The following SGCZ variants were observed in gnomAD, a reference collection of about 807,000 sequenced individuals.
The protein encoded by SGCZ is sarcoglycan zeta, also known as zeta-sarcoglycan.
SGCZ carries 40 observed loss-of-function variants against 41.3 expected under a neutral mutation model. That is an observed-to-expected ratio of 0.97 (90% confidence interval 0.75 to 1.26). The LOEUF (loss-of-function observed/expected upper bound fraction) is 1.26, where lower values mean the gene tolerates loss of function less well. SGCZ is among the 50% of genes most tolerant of loss of function. The probability of loss-of-function intolerance (pLI) is 0.00; values close to 1 mark genes in which losing one functional copy is unlikely to be tolerated. For missense variants in SGCZ, 552 were observed against 369.8 expected, an observed-to-expected ratio of 1.49 and a Z score of -4.04; for synonymous variants, 206 against 137.5, an observed-to-expected ratio of 1.50 and a Z score of -3.49.
chr8:14,534,804 G>C (rs1034327307), intron 2 of SGCZ, among the ~76,000 whole-genome samples: 1 of 151,866 alleles, frequency 6.6e-6, no homozygotes, highest in African/African-American at 2.4e-5. Flanking sequence ...AAATATTTTA[G>C]GCTGATACTA....
At chr8:15,068,781 C>G (rs951558281) in intron 1 of SGCZ, among the ~76,000 whole-genome samples, 1 of 152,148 alleles carries the variant, frequency 6.6e-6, no homozygotes. Context: ...AATAAATTCT[C>G]TCATTTAAAA....
At chr8:15,004,120 C>T (rs1802518679) in intron 1 of SGCZ, among the ~76,000 whole-genome samples, 1 of 152,016 alleles carries the variant, frequency 6.6e-6, no homozygotes. Context: ...CTCCGTAAGA[C>T]CCCCAGTAAT....
intron 1 of SGCZ, among the ~76,000 whole-genome samples, chr8:14,775,692 A>G (rs1363624239): frequency 2.6e-5 from 4 of 152,248 alleles, no homozygotes; most frequent in Non-Finnish European, 5.9e-5. Flanking sequence ...AATTATATGC[A>G]AAATTTCAAG....
At chr8:15,044,432 C>T (rs1804226735) in intron 1 of SGCZ, among the ~76,000 whole-genome samples, 1 of 152,098 alleles carries the variant, frequency 6.6e-6, no homozygotes, top group African/African-American at 2.4e-5. Context: ...TGACAGTCTG[C>T]CTTTGCCTTT....
intron 1 of SGCZ, among the ~76,000 whole-genome samples, chr8:14,621,219 T>C (rs530932134): frequency 5.1e-5 from 7 of 137,694 alleles, no homozygotes; most frequent in African/African-American, 1.4e-4. Flanking sequence ...TTCTCACTCA[T>C]AGGTGGGAAT....
intron 2 of SGCZ, among the ~76,000 whole-genome samples, chr8:14,533,323 T>C (rs1380996067): frequency 6.7e-6 from 1 of 149,260 alleles, no homozygotes; most frequent in Non-Finnish European, 1.5e-5. Context: ...CATTTTTGTA[T>C]TAGCAACACT....
At chr8:14,681,704 A>C (rs894441763) in intron 1 of SGCZ, among the ~76,000 whole-genome samples, 1 of 152,160 alleles carries the variant, frequency 6.6e-6, no homozygotes, top group Admixed American at 6.6e-5. Context: ...TATGTCCCTG[A>C]TTATTAATTC....
intron 1 of SGCZ, among the ~76,000 whole-genome samples, chr8:14,891,527 G>A (rs953821484): frequency 6.6e-6 from 1 of 152,224 alleles, no homozygotes; most frequent in Admixed American, 6.5e-5. Context: ...GATGAGCAAA[G>A]AAAGTGGTAT....
chr8:14,732,029 G>T (rs772834619), intron 1 of SGCZ, among the ~76,000 whole-genome samples: 10 of 152,124 alleles, frequency 6.6e-5, no homozygotes, highest in African/African-American at 2.4e-4. Flanking sequence ...AATCCTAACC[G>T]TGATTCAAGT....
chr8:14,431,771 A>T (rs753734250), intron 2 of SGCZ, among the ~76,000 whole-genome samples: 6 of 152,190 alleles, frequency 3.9e-5, no homozygotes, highest in Non-Finnish European at 7.4e-5. Context: ...GAAAATCTTC[A>T]CAATCTATAC....
intron 1 of SGCZ, among the ~76,000 whole-genome samples, chr8:14,892,172 T>C (rs911478211): frequency 2.0e-5 from 3 of 152,208 alleles, no homozygotes; most frequent in Non-Finnish European, 4.4e-5. Flanking sequence ...CCTGAAAGAC[T>C]GCTTACTTGC....
intron 1 of SGCZ, among the ~76,000 whole-genome samples, chr8:14,583,318 T>A (rs1341394332): frequency 2.0e-5 from 3 of 152,084 alleles, no homozygotes; most frequent in African/African-American, 7.2e-5. Flanking sequence ...TTTTGAGAAG[T>A]GTCTGTTCAT....
chr8:14,527,045 C>T (rs1802971063), intron 2 of SGCZ, among the ~76,000 whole-genome samples: 1 of 149,664 alleles, frequency 6.7e-6, no homozygotes, highest in African/African-American at 2.5e-5. Context: ...TCAATGCCTT[C>T]TTAATATAAA....
chr8:14,683,278 G>A (rs1031523317), intron 1 of SGCZ, among the ~76,000 whole-genome samples: 1 of 151,994 alleles, frequency 6.6e-6, no homozygotes, highest in Admixed American at 6.6e-5. Flanking sequence ...CATTTACCAG[G>A]AGTTAACACC....
intron 2 of SGCZ, among the ~76,000 whole-genome samples, chr8:14,551,499 T>A (rs1044996253): frequency 0.081 from 365 of 4,496 alleles, 23 homozygotes; most frequent in African/African-American, 0.14. Context: ...TTATATATAT[T>A]ATATATATTA....
At chr8:14,431,161 C>A (rs1370392818) in intron 2 of SGCZ, among the ~76,000 whole-genome samples, 1 of 152,036 alleles carries the variant, frequency 6.6e-6, no homozygotes, top group African/African-American at 2.4e-5. Flanking sequence ...AATACCACAA[C>A]CATTCTTCAC....
chr8:14,267,622 G>T (rs528482708), intron 3 of SGCZ, among the ~76,000 whole-genome samples: 2 of 151,968 alleles, frequency 1.3e-5, no homozygotes, highest in Non-Finnish European at 2.9e-5. Context: ...TGTTGTCACT[G>T]TTTTACTCCT....
intron 2 of SGCZ, among the ~76,000 whole-genome samples, chr8:14,489,587 A>G (rs1295861987): frequency 2.6e-5 from 4 of 152,120 alleles, no homozygotes; most frequent in African/African-American, 9.7e-5. Flanking sequence ...TAAACGCCCA[A>G]AACAGAGGTA....
At chr8:14,770,724 G>C (rs1585246066) in intron 1 of SGCZ, among the ~76,000 whole-genome samples, 1 of 152,066 alleles carries the variant, frequency 6.6e-6, no homozygotes, top group African/African-American at 2.4e-5. Context: ...TGAAGAATAA[G>C]ACATAGTATC....
Sources: allele counts gnomAD v4.1 joint callset (sites outside exome capture counted in the v4.1 genomes callset), GRCh38; gene constraint gnomAD v4.1.1; transcripts MANE v1.5; gene names NCBI Gene and HGNC (gene_info 2026-07-23, HGNC 2026-07-21).